QTMAN: variants seen among roughly 807,000 people sequenced by gnomAD.
QTMAN encodes queuosine-tRNA mannosyltransferase.
At chr2:143,946,900 T>C in the QTMAN span, 2 of 585,988 alleles carry the variant, frequency 3.4e-6, no homozygotes, top group South Asian at 4.6e-5. Context: ...CACAGGTTTG[T>C]GGCAGATGGC....
At chr2:144,203,240 G>A in the QTMAN span, among the ~76,000 whole-genome samples, 3 of 152,060 alleles carry the variant, frequency 2.0e-5, no homozygotes, top group African/African-American at 7.2e-5. Flanking sequence ...AGAAGAGTGG[G>A]GGAGAGAGCA....
chr2:144,041,431 C>A, the QTMAN span, among the ~76,000 whole-genome samples: 3 of 152,188 alleles, frequency 2.0e-5, no homozygotes, highest in South Asian at 2.1e-4. Flanking sequence ...CAGTGAATAT[C>A]TGTCACATAC....
chr2:144,042,482 G>A, the QTMAN span, among the ~76,000 whole-genome samples: 55 of 152,216 alleles, frequency 3.6e-4, no homozygotes, highest in Admixed American at 1.3e-3. Flanking sequence ...AAGGCCGGGC[G>A]TGGTGGTTCA....
chr2:144,183,906 G>A, the QTMAN span, among the ~76,000 whole-genome samples: 21 of 152,094 alleles, frequency 1.4e-4, no homozygotes, highest in Non-Finnish European at 2.4e-4. Flanking sequence ...CATACGTGGC[G>A]CTTAGAGCTC....
the QTMAN span, among the ~76,000 whole-genome samples, chr2:144,183,547 A>G: frequency 6.6e-6 from 1 of 152,222 alleles, no homozygotes; most frequent in Non-Finnish European, 1.5e-5. Flanking sequence ...ACTAAATTTC[A>G]TTCTATATGG....
At chr2:143,948,549 TGCC>T in the QTMAN span, among the ~76,000 whole-genome samples, 10 of 152,238 alleles carry the variant, frequency 6.6e-5, no homozygotes, top group African/African-American at 2.4e-4. Context: ...CTTACACAAC[TGCC>T]CTATTTGTAC....
At chr2:144,211,840 A>C in the QTMAN span, among the ~76,000 whole-genome samples, 1 of 152,220 alleles carries the variant, frequency 6.6e-6, no homozygotes, top group African/African-American at 2.4e-5. Flanking sequence ...TTTCAGCAAT[A>C]GTCAAAGAAA....
chr2:144,275,751 T>G, the QTMAN span, among the ~76,000 whole-genome samples: 1 of 151,346 alleles, frequency 6.6e-6, no homozygotes, highest in African/African-American at 2.4e-5. Context: ...CCTATTCCAA[T>G]TCACGTATCT....
At chr2:144,182,821 TATATATAA>T in the QTMAN span, among the ~76,000 whole-genome samples, 22 of 67,806 alleles carry the variant, frequency 3.2e-4, no homozygotes, top group African/African-American at 9.2e-4. Flanking sequence ...ATATATATTA[TATATATAA>T]TATATATATA....
the QTMAN span, among the ~76,000 whole-genome samples, chr2:144,057,992 T>G: frequency 6.6e-6 from 1 of 151,972 alleles, no homozygotes; most frequent in Non-Finnish European, 1.5e-5. Context: ...TGGGAGAACT[T>G]TTCTAACATA....
chr2:144,060,087 G>C, the QTMAN span, among the ~76,000 whole-genome samples: 2 of 151,642 alleles, frequency 1.3e-5, no homozygotes, highest in Non-Finnish European at 2.9e-5. Context: ...TCTCTGGTCA[G>C]TTCTTAAGAA....
At chr2:144,033,856 T>A in the QTMAN span, among the ~76,000 whole-genome samples, 2 of 152,198 alleles carry the variant, frequency 1.3e-5, no homozygotes, top group African/African-American at 4.8e-5. Flanking sequence ...GGAAACTCCA[T>A]GCATTTTAGG....
the QTMAN span, among the ~76,000 whole-genome samples, chr2:144,061,994 C>CCAT: frequency 2.0e-5 from 3 of 152,164 alleles, no homozygotes; most frequent in African/African-American, 7.2e-5. Context: ...AGAGCCACCT[C>CCAT]CATCATTCAG....
the QTMAN span, among the ~76,000 whole-genome samples, chr2:144,182,509 C>T: frequency 1.5e-4 from 22 of 150,816 alleles, no homozygotes; most frequent in East Asian, 4.0e-4. Context: ...TCAGGCATGG[C>T]GGTGCACATC....
chr2:144,029,912 G>A, the QTMAN span, among the ~76,000 whole-genome samples: 31 of 152,280 alleles, frequency 2.0e-4, no homozygotes, highest in African/African-American at 7.5e-4. Flanking sequence ...CATAGCGTGA[G>A]TGTGAGTGTG....
the QTMAN span, among the ~76,000 whole-genome samples, chr2:143,960,433 A>G: frequency 9.9e-5 from 15 of 152,198 alleles, no homozygotes; most frequent in African/African-American, 3.6e-4. Flanking sequence ...TCCAGGATAT[A>G]ATGTTCAAGG....
chr2:144,118,914 T>TATGG, the QTMAN span, among the ~76,000 whole-genome samples: 3 of 152,032 alleles, frequency 2.0e-5, no homozygotes, highest in Non-Finnish European at 2.9e-5. Context: ...AATTTAAAAA[T>TATGG]ATGGATCGTG....
At chr2:144,076,204 GC>G in the QTMAN span, among the ~76,000 whole-genome samples, 1 of 152,084 alleles carries the variant, frequency 6.6e-6, no homozygotes, top group African/African-American at 2.4e-5. Context: ...CCAAGATTGC[GC>G]CACTGCACTC....
At chr2:144,331,668 T>C in the QTMAN span, among the ~76,000 whole-genome samples, 1 of 152,290 alleles carries the variant, frequency 6.6e-6, no homozygotes, top group Admixed American at 6.5e-5. Flanking sequence ...AAAAAACTAC[T>C]TCGGGACTAA....
Sources: gnomAD v4.1 joint callset for allele counts (sites outside exome capture counted in the v4.1 genomes callset) on GRCh38, gnomAD v4.1.1 for gene constraint, MANE v1.5 for transcripts, NCBI Gene and HGNC (gene_info 2026-07-23, HGNC 2026-07-21) for gene names.